Variants in MVD observed in about 807,000 individuals in gnomAD.
MVD encodes the protein mevalonate diphosphate decarboxylase.
Under a neutral mutation model 42.4 loss-of-function variants are expected in MVD, and 52 were observed. That is an observed-to-expected ratio of 1.23 (90% CI 0.98 to 1.55). The LOEUF is 1.55. Ranked by LOEUF, MVD falls within the 40% of genes most tolerant of loss-of-function variation. The pLI is 0.00. For synonymous variants in MVD, 287 were observed against 243.2 expected (o/e 1.18, Z -1.68); for missense variants, 663 against 572.1 (o/e 1.16, Z -1.62).
rs748114480 is a variant in MVD at position 88,663,038 on chromosome 16, G to A, written c.43C>T (p.Pro15Ser). ...KPLAAVTCTAPVNIAVIKYWG... is the reference protein window; with the variant it reads ...KPLAAVTCTASVNIAVIKYWG... ...TACTTGATGACCGCGATGTTGACCG[G>A]CGCTGTACAAGTGACTGCCGCCAGC... Residue 15 changes from proline to serine, a missense_variant, in exon 1 of 10, where the codon CCG (proline) becomes TCG (serine). Pro to Ser is a moderately conservative substitution (Grantham distance 74). Transcript: ENST00000301012. 44 of 1,609,842 alleles carry A rather than the reference G, an allele frequency of 2.7e-5. No individual in the cohort carries two copies. In the East Asian group the frequency reaches 8.9e-4, roughly 33 times the overall value.
At position 88,654,820 on chromosome 16, in the gene MVD, G is replaced by A; in HGVS notation, c.898-13C>T. Reference sequence around the variant, plus strand: ...AGGTGTACGCCACCTGGAACCCACAGCAGTCACCCTGGCTATTCACGTGGT... The same window carrying A: ...AGGTGTACGCCACCTGGAACCCACAACAGTCACCCTGGCTATTCACGTGGT... On this transcript the variant is annotated splice_polypyrimidine_tract_variant and intron_variant, in intron 7 of 9. Transcript: ENST00000301012. 1 of 1,561,248 alleles carries A rather than the reference G, an allele frequency of 6.4e-7. No individual in the cohort carries two copies. The highest frequency in any genetic ancestry group is 8.7e-7 in the Non-Finnish European group (1 of 1,155,538).
chr16:88,655,951 T>G, intron 5 of MVD, 154 bp downstream of exon 5: 1 of 1,206,838 alleles, frequency 8.3e-7, no homozygotes, highest in Non-Finnish European at 1.1e-6. Flanking sequence ...GAGCGGTTCC[T>G]GAGCACTCAA....
intron 4 of MVD, 124 bp from the exon 5 acceptor site, chr16:88,656,428 T>G (rs1055624297): frequency 8.5e-6 from 9 of 1,060,640 alleles, no homozygotes; most frequent in Non-Finnish European, 1.2e-5. Flanking sequence ...ACAGGGCTTC[T>G]GGGCCATCAG....
Position 88,658,681 on chromosome 16 carries a change from G to A in MVD, c.110C>T (p.Ser37Phe). Residue 37 changes from serine (S) to phenylalanine (F), a missense_variant, in exon 2 of 10, where the codon TCC (serine) becomes TTC (phenylalanine). By Grantham distance (155) the Ser-to-Phe change is radical. Coordinates refer to ENST00000301012, the MANE Select transcript of MVD (RefSeq NM_002461.3). ...RDEELVLPIN[S>F]SLSVTLHQDQ... ...CTGGTGCAGAGTGACGCTCAGGGAGGAGTTGATGGGCAGAACCAGCTCTTC... is the reference window on the plus strand; with the variant it reads ...CTGGTGCAGAGTGACGCTCAGGGAGAAGTTGATGGGCAGAACCAGCTCTTC... 1 of 1,613,716 alleles carries A rather than the reference G, an allele frequency of 6.2e-7. No homozygotes were observed. Among genetic ancestry groups the A allele is most frequent in the Non-Finnish European group, 8.5e-7 (1 of 1,179,862 alleles).
At chr16:88,657,882 G>A in intron 3 of MVD, 33 bp downstream of exon 3, 3 of 1,595,626 alleles carry the variant, frequency 1.9e-6, no homozygotes, top group South Asian at 1.1e-5. Flanking sequence ...GCTGACAACA[G>A]GGAGGGATGG....
At chr16:88,657,825 T>C (rs1440522226) in intron 3 of MVD, 90 bp downstream of exon 3, 3 of 1,407,128 alleles carry the variant, frequency 2.1e-6, no homozygotes, top group Non-Finnish European at 3.0e-6. Flanking sequence ...GCCTGCTGCC[T>C]CAGGAGGGGC....
intron 1 of MVD, chr16:88,662,787 G>A: frequency 2.0e-6 from 3 of 1,480,180 alleles, no homozygotes; most frequent in African/African-American, 1.5e-5. Flanking sequence ...CGACCCTGCA[G>A]GGGCGGCAGC....
intron 1 of MVD, chr16:88,659,012 T>G: frequency 2.5e-6 from 1 of 406,062 alleles, no homozygotes; most frequent in Non-Finnish European, 4.7e-6. Flanking sequence ...TGCGGATCGC[T>G]CCCACCGCGG....
At chr16:88,655,958 T>G in intron 5 of MVD, 147 bp downstream of exon 5, 1 of 1,237,398 alleles carries the variant, frequency 8.1e-7, no homozygotes, top group Non-Finnish European at 1.1e-6. Context: ...TCCTGAGCAC[T>G]CAACCACGCT....
chr16:88,657,612 C>A lies in MVD; in HGVS notation c.257-30G>T, dbSNP rs901281606. On this transcript the variant is annotated intron_variant, in intron 3 of 9. Coordinates refer to ENST00000301012, the MANE Select transcript of MVD (RefSeq NM_002461.3). The stretch of plus-strand genomic sequence containing the variant: ...AGAGACAATGAGACAGCGTGTGGCC[C>A]AGCCGTCAGCACCCTGCCCGCCCTG... The A allele has an allele frequency of 3.1e-6, 5 of 1,602,698 alleles. No individual in the cohort carries two copies. The Admixed American group carries it at 6.7e-5, about 21-fold the overall frequency.
In MVD at chr16:88,656,150, C is replaced by T. The variant is rs747986324; in HGVS notation, c.558G>A (p.Val186=). ...ADGKDSIARQ[V]APESHWPELR... ...GTTCAGGCCAGTGTGACTCGGGGGC[C>T]ACTTGCCGAGCGATGCTGTCCTTCC... Residue 186 remains valine, a synonymous_variant, in exon 5 of 10, where the codon GTG becomes GTA. Transcript: ENST00000301012. The T allele has an allele frequency of 1.9e-6, 3 of 1,602,174 alleles. No individual in the cohort carries two copies. The highest frequency in any genetic ancestry group is 2.2e-5 in the South Asian group (2 of 91,080).
intron 2 of MVD, 60 bp downstream of exon 2, chr16:88,658,590 A>G: frequency 1.9e-6 from 3 of 1,544,056 alleles, no homozygotes; most frequent in Non-Finnish European, 2.7e-6. Context: ...ACGGGTACCA[A>G]CTGTTCTACA....
At chr16:88,662,821 C>T (rs764652041) in intron 1 of MVD, 190 bp downstream of exon 1, 177 of 1,458,688 alleles carry the variant, frequency 1.2e-4, no homozygotes, top group Non-Finnish European at 1.6e-4. Context: ...CGGGTGGCGC[C>T]GAGCTTGTCA....
At position 88,656,487 on chromosome 16, in the gene MVD, C is replaced by T. The variant is rs1243114787; in HGVS notation, c.404-183G>A. 7 of 650,450 alleles carry T rather than the reference C, an allele frequency of 1.1e-5. No homozygotes were observed. The African/African-American group carries it at 1.3e-4, about 12-fold the overall frequency. The allele number at this position is 650,450 out of a possible 1,614,324, so 40.3% of individuals were successfully genotyped here. ...CCCAGCCGTCTGTCCCCCACCTCCGCTAGTTCCACTCTCGGACACTCTCTG... is the reference window on the plus strand; with the variant it reads ...CCCAGCCGTCTGTCCCCCACCTCCGTTAGTTCCACTCTCGGACACTCTCTG... On this transcript the variant is annotated intron_variant, in intron 4 of 9. Transcript: ENST00000301012.
chr16:88,653,191 C>A, intron 9 of MVD, 109 bp downstream of exon 9: 3 of 811,680 alleles, frequency 3.7e-6, no homozygotes, highest in Non-Finnish European at 4.0e-6. Context: ...CTGCCTGAGA[C>A]ACGGTAGGGA....
At chr16:88,655,918 G>A (rs1039515319) in intron 5 of MVD, 187 bp downstream of exon 5, 201 of 1,092,374 alleles carry the variant, frequency 1.8e-4, no homozygotes, top group Non-Finnish European at 2.3e-4. Flanking sequence ...AGATCCCAGC[G>A]GGTGGTGGCG....
rs1268043561 is a variant in MVD at position 88,654,695 on chromosome 16, T to C, written c.1010A>G (p.Asp337Gly). ...WHGFPPGSNG[D>G]TFLKGLQVRP... Reference sequence around the variant, plus strand: ...GAGGGGCGGGGTCCACACTCACGTGTCTCCATTCGAGCCTGGGGGAAAGCC... The same window carrying C: ...GAGGGGCGGGGTCCACACTCACGTGCCTCCATTCGAGCCTGGGGGAAAGCC... The change falls in exon 8 of 10, where the codon GAC (aspartate) becomes GGC (glycine). Residue 337 changes from aspartate (D) to glycine (G), a missense_variant. By Grantham distance (94) the Asp-to-Gly change is moderately conservative. Transcript: ENST00000301012. The C allele has an allele frequency of 6.3e-7, 1 of 1,596,654 alleles. No homozygotes were observed. Among genetic ancestry groups the C allele is most frequent in the Non-Finnish European group, 8.5e-7 (1 of 1,174,546 alleles).
intron 7 of MVD, 104 bp from the exon 8 acceptor site, chr16:88,654,911 C>G: frequency 8.5e-7 from 1 of 1,178,922 alleles, no homozygotes; most frequent in Non-Finnish European, 1.2e-6. Flanking sequence ...AGAGCTCAGT[C>G]TAGGCCCTCA....
chr16:88,658,755 T>G, intron 1 of MVD, 35 bp from the exon 2 acceptor site: 2 of 1,512,712 alleles, frequency 1.3e-6, no homozygotes, highest in Non-Finnish European at 9.0e-7. Context: ...CCGGTGGGCT[T>G]CCCGGCCCAC....
Sources: gnomAD v4.1 joint callset for allele counts on GRCh38, gnomAD v4.1.1 for gene constraint, MANE v1.5 for transcripts, NCBI Gene and HGNC (gene_info 2026-07-23, HGNC 2026-07-21) for gene names.